TET2: variants seen among roughly 807,000 people sequenced by gnomAD.
The protein encoded by TET2 is methylcytosine dioxygenase TET2.
Under a neutral mutation model 142.9 loss-of-function variants are expected in TET2, and 299 were observed. The observed-to-expected ratio is 2.09, with a 90% confidence interval of 1.90 to 2.30. The LOEUF (loss-of-function observed/expected upper bound fraction) is 2.30. TET2 is among the 30% of genes most tolerant of loss of function. The pLI, the probability that TET2 is intolerant of heterozygous loss-of-function variation, is 0.00. For missense variants in TET2, 2,418 were observed against 2,378.0 expected (o/e 1.02, Z -0.35); for synonymous variants, 819 against 849.0 (o/e 0.96, Z 0.61).
At position 105,238,229 on chromosome 4, in the gene TET2, G is replaced by A. The variant is rs72961199; in HGVS notation, c.3409+878G>A. ...GTGCTAATCTTTTTGCTGGTGGAGG[G>A]TCGTGCTTCAGTATTGATCGCTGTG... On this transcript the variant is annotated intron_variant, in intron 3 of 10. Coordinates refer to ENST00000380013, the MANE Select transcript of TET2 (RefSeq NM_001127208.3). 9.5e-3 allele frequency: 2,243 copies of A among 236,766 alleles called. 48 individuals carry two copies. Among genetic ancestry groups the A allele is most frequent in the African/African-American group, 0.045 (2,002 of 44,756 alleles). 14.7% of individuals were successfully genotyped at this position (236,766 alleles called of 1,614,324 possible).
chr4:105,160,161 C>T (rs140391255), intron 1 of TET2, among the ~76,000 whole-genome samples: 9 of 152,276 alleles, frequency 5.9e-5, no homozygotes, highest in African/African-American at 2.2e-4. Flanking sequence ...CCCCTTTCCC[C>T]ATCCTCTGTA....
intron 3 of TET2, chr4:105,237,606 C>G: frequency 6.9e-7 from 1 of 1,454,696 alleles, no homozygotes; most frequent in South Asian, 1.5e-5. Flanking sequence ...TCTTCAGATC[C>G]TGTAAAATTT....
rs1238533081 is a variant in TET2, at chr4:105,241,358, T to C, written c.3429T>C (p.Asp1143=). 3 of 1,546,940 alleles carry C rather than the reference T, an allele frequency of 1.9e-6. No individual in the cohort carries two copies. In the East Asian group the frequency reaches 7.3e-5, roughly 38 times the overall value. Residue 1143 remains aspartate, a synonymous_variant, in exon 4 of 11, where the codon GAT becomes GAC. Coordinates refer to ENST00000380013, the MANE Select transcript of TET2 (RefSeq NM_001127208.3). ...CRCVEQIIEK[D]EGPFYTHLGA... is the part of the protein sequence containing the mutation. ...CAACAGAGCAAATTATTGAAAAAGATGAAGGTCCTTTTTATACCCATCTAG... is the reference window on the plus strand; with the variant it reads ...CAACAGAGCAAATTATTGAAAAAGACGAAGGTCCTTTTTATACCCATCTAG...
intron 1 of TET2, among the ~76,000 whole-genome samples, chr4:105,184,628 C>G (rs1012871677): frequency 6.6e-6 from 1 of 152,134 alleles, no homozygotes; most frequent in African/African-American, 2.4e-5. Context: ...AAAGCATTAA[C>G]AGGAGAATAG....
chr4:105,238,943 A>T (rs1213559161), intron 3 of TET2: 1 of 241,882 alleles, frequency 4.1e-6, no homozygotes, highest in Admixed American at 5.7e-5. Flanking sequence ...CTTAATCCAT[A>T]GGCTGCAGAA....
At chr4:105,271,736 AAAGT>A (rs1560570879) in intron 9 of TET2, among the ~76,000 whole-genome samples, 2 of 152,230 alleles carry the variant, frequency 1.3e-5, no homozygotes, top group Non-Finnish European at 2.9e-5. Context: ...TAAATACTAA[AAAGT>A]TAGTATTTAA....
At chr4:105,255,818 G>A (rs904884007) in intron 6 of TET2, among the ~76,000 whole-genome samples, 3 of 151,836 alleles carry the variant, frequency 2.0e-5, no homozygotes, top group East Asian at 3.9e-4. Context: ...TATTGATAAG[G>A]TAGGATTTGT....
At chr4:105,266,991 A>G (rs1200539044) in intron 8 of TET2, among the ~76,000 whole-genome samples, 2 of 152,042 alleles carry the variant, frequency 1.3e-5, no homozygotes, top group East Asian at 3.8e-4. Flanking sequence ...CAGAAAGGCA[A>G]ATGGAGAAAA....
chr4:105,274,518 G>C (rs1449948852), intron 10 of TET2, among the ~76,000 whole-genome samples: 1 of 152,000 alleles, frequency 6.6e-6, no homozygotes, highest in East Asian at 1.9e-4. Context: ...TTGCATGCCA[G>C]GCAATGAAGA....
At chr4:105,203,353 T>C (rs960513260) in intron 2 of TET2, among the ~76,000 whole-genome samples, 2 of 152,082 alleles carry the variant, frequency 1.3e-5, no homozygotes, top group Admixed American at 1.3e-4. Context: ...TAGGAGAGGG[T>C]TTTAAGCTAT....
intron 2 of TET2, among the ~76,000 whole-genome samples, chr4:105,198,540 G>A (rs1726236833): frequency 6.6e-6 from 1 of 152,150 alleles, no homozygotes; most frequent in South Asian, 2.1e-4. Flanking sequence ...TTTGAGACCA[G>A]TTAAAGGAGA....
At chr4:105,176,364 G>A (rs908093414) in intron 1 of TET2, among the ~76,000 whole-genome samples, 3 of 152,024 alleles carry the variant, frequency 2.0e-5, no homozygotes, top group Admixed American at 1.3e-4. Flanking sequence ...CTTTGTTCAC[G>A]GATGACAGTT....
intron 6 of TET2, among the ~76,000 whole-genome samples, chr4:105,247,088 T>A (rs1387815886): frequency 6.6e-6 from 1 of 152,148 alleles, no homozygotes; most frequent in African/African-American, 2.4e-5. Flanking sequence ...ATAAAAATTG[T>A]CAAACATAAA....
chr4:105,190,058 G>A (rs1725692554), intron 1 of TET2, among the ~76,000 whole-genome samples: 1 of 152,148 alleles, frequency 6.6e-6, no homozygotes, highest in South Asian at 2.1e-4. Flanking sequence ...TGAACCACTG[G>A]ATTCAACAGA....
At chr4:105,240,687 A>G in intron 3 of TET2, 1 of 1,080,322 alleles carries the variant, frequency 9.3e-7, no homozygotes, top group Non-Finnish European at 1.1e-6. Flanking sequence ...CTCTTCTCTT[A>G]TCACCCACCC....
chr4:105,222,079 G>A (rs1190322848), intron 2 of TET2, among the ~76,000 whole-genome samples: 3 of 151,386 alleles, frequency 2.0e-5, no homozygotes, highest in African/African-American at 4.9e-5. Context: ...ATTCCATGGT[G>A]TATATGTGCC....
intron 2 of TET2, among the ~76,000 whole-genome samples, chr4:105,226,579 A>T (rs1157503933): frequency 1.3e-5 from 2 of 151,262 alleles, no homozygotes; most frequent in African/African-American, 4.9e-5. Flanking sequence ...GGTGTGTGGC[A>T]CGTCCCCCTC....
rs1447982433 is a variant in TET2, at chr4:105,276,467, C to T, written c.5957C>T (p.Thr1986Ile). 5 of 1,551,672 alleles carry T rather than the reference C, an allele frequency of 3.2e-6. No homozygotes were observed. The highest frequency in any genetic ancestry group is 4.4e-6 in the Non-Finnish European group (5 of 1,147,018). ...GTGACCACAGACTCCACAGTAACTA[C>T]ATCTCCATATGCCTTCACTCGGGTC... ...MSVTTDSTVT[T>I]SPYAFTRVTG... Residue 1986 changes from threonine (T) to isoleucine (I), a missense_variant, in exon 11 of 11, where the codon ACA (threonine) becomes ATA (isoleucine). Coordinates refer to ENST00000380013, the MANE Select transcript of TET2 (RefSeq NM_001127208.3).
Position 105,235,836 on chromosome 4 carries a change from C to G in TET2, c.1894C>G (p.Gln632Glu). The G allele has an allele frequency of 6.2e-7, 1 of 1,613,976 alleles. No individual in the cohort carries two copies. Among genetic ancestry groups the G allele is most frequent in the Non-Finnish European group, 8.5e-7 (1 of 1,179,966 alleles). Residue 632 changes from glutamine (Q) to glutamate (E), a missense_variant, in exon 3 of 11, where the codon CAA (glutamine) becomes GAA (glutamate). By Grantham distance (29) the Gln-to-Glu change is conservative. Transcript: ENST00000380013. The stretch of plus-strand genomic sequence containing the variant: ...AACAACACAGCTGGAGCACAAGTCA[C>G]AAATGTACCAAGTTGAAATGAATCA... The part of the protein sequence containing the change: ...QKTTQLEHKS[Q>E]MYQVEMNQGQ...
Sources: gnomAD v4.1 joint callset for allele counts (sites outside exome capture counted in the v4.1 genomes callset) on GRCh38, gnomAD v4.1.1 for gene constraint, MANE v1.5 for transcripts, NCBI Gene and HGNC (gene_info 2026-07-23, HGNC 2026-07-21) for gene names.